Variants in PTH2R observed in about 807,000 individuals in gnomAD.
The protein encoded by PTH2R is parathyroid hormone 2 receptor, also known as PTH2 receptor.
Under a neutral mutation model 60.3 loss-of-function variants are expected in PTH2R, and 59 were observed. That is an observed-to-expected ratio of 0.98 (90% confidence interval 0.79 to 1.22). The LOEUF (loss-of-function observed/expected upper bound fraction) is 1.22. PTH2R is among the 50% of genes most tolerant of loss of function. The pLI is 0.00. For missense variants in PTH2R, 749 were observed against 682.6 expected, an observed-to-expected ratio of 1.10 and a Z score of -1.08; for synonymous variants, 256 against 243.8, an observed-to-expected ratio of 1.05 and a Z score of -0.47.
intron 1 of PTH2R, among the ~76,000 whole-genome samples, chr2:208,362,506 A>G (rs1487990127): frequency 6.6e-6 from 1 of 152,150 alleles, no homozygotes; most frequent in Non-Finnish European, 1.5e-5. Flanking sequence ...ATGTCTCATG[A>G]TATCTATATA....
intron 2 of PTH2R, among the ~76,000 whole-genome samples, chr2:208,428,616 G>A (rs1574863935): frequency 6.6e-6 from 1 of 152,164 alleles, no homozygotes; most frequent in Non-Finnish European, 1.5e-5. Context: ...ATTTGCCCTC[G>A]ACCATGCAGT....
chr2:208,457,561 A>G (rs932071957), intron 8 of PTH2R, among the ~76,000 whole-genome samples: 3 of 152,234 alleles, frequency 2.0e-5, no homozygotes, highest in African/African-American at 7.2e-5. Context: ...AAATTGCAGA[A>G]TAGTGCATAC....
chr2:208,450,721 T>G (rs114981244), intron 7 of PTH2R, 28 bp from the exon 8 acceptor site: 1 of 1,609,160 alleles, frequency 6.2e-7, no homozygotes. Context: ...AAAATAAATC[T>G]AGTCTCTGAA....
intron 2 of PTH2R, 62 bp from the exon 3 acceptor site, chr2:208,437,475 T>G: frequency 7.0e-7 from 1 of 1,430,736 alleles, no homozygotes. Flanking sequence ...TGAATGCATT[T>G]GTTCTCTGGT....
chr2:208,420,428 A>C (rs932231580), intron 1 of PTH2R, among the ~76,000 whole-genome samples: 2 of 152,202 alleles, frequency 1.3e-5, no homozygotes, highest in African/African-American at 2.4e-5. Context: ...TTTTCCACAC[A>C]TATTTGCCAG....
chr2:208,428,075 AG>A, intron 1 of PTH2R, 125 bp from the exon 2 acceptor site: 1 of 658,724 alleles, frequency 1.5e-6, no homozygotes, highest in Non-Finnish European at 2.5e-6. Context: ...ATTCAGATAA[AG>A]GACTATTTCA....
upstream of PTH2R, among the ~76,000 whole-genome samples, chr2:208,402,746 G>C (rs967737992): frequency 6.6e-6 from 1 of 152,194 alleles, no homozygotes; most frequent in Non-Finnish European, 1.5e-5. Context: ...AATGTTGAGT[G>C]ATCCTTTGGT....
intron 1 of PTH2R, among the ~76,000 whole-genome samples, chr2:208,382,873 A>C (rs1166089993): frequency 6.6e-6 from 1 of 152,226 alleles, no homozygotes; most frequent in Non-Finnish European, 1.5e-5. Flanking sequence ...GCATGCTGCT[A>C]GTGTGCCCTG....
chr2:208,361,961 T>A (rs1700482814), intron 1 of PTH2R, among the ~76,000 whole-genome samples: 1 of 152,202 alleles, frequency 6.6e-6, no homozygotes, highest in Admixed American at 6.5e-5. Flanking sequence ...CAGAAGAGAT[T>A]AGCATTTGAA....
At chr2:208,362,067 C>A (rs185334633) in intron 1 of PTH2R, among the ~76,000 whole-genome samples, 79 of 152,322 alleles carry the variant, frequency 5.2e-4, no homozygotes, top group African/African-American at 1.9e-3. Flanking sequence ...TCCCCACCAC[C>A]CCTGTGCCCT....
intron 1 of PTH2R, among the ~76,000 whole-genome samples, chr2:208,400,753 CTCTT>C (rs1701293290): frequency 6.6e-6 from 1 of 152,094 alleles, no homozygotes; most frequent in Non-Finnish European, 1.5e-5. Context: ...CTAAAATAGT[CTCTT>C]TAATTTCCAA....
chr2:208,427,461 CA>C (rs1701879767), intron 1 of PTH2R, among the ~76,000 whole-genome samples: 1 of 152,014 alleles, frequency 6.6e-6, no homozygotes, highest in Non-Finnish European at 1.5e-5. Context: ...TTTCAACCCC[CA>C]AAATTAGTTT....
At chr2:208,454,616 C>T (rs1702473175) in intron 8 of PTH2R, among the ~76,000 whole-genome samples, 1 of 152,184 alleles carries the variant, frequency 6.6e-6, no homozygotes, top group Non-Finnish European at 1.5e-5. Flanking sequence ...GTTTAAGCCA[C>T]CCAGCCTGTG....
chr2:208,424,298 T>C (rs1345128844), intron 1 of PTH2R, among the ~76,000 whole-genome samples: 1 of 152,220 alleles, frequency 6.6e-6, no homozygotes, highest in Non-Finnish European at 1.5e-5. Flanking sequence ...GGGTCCCTTG[T>C]CATTTTGGGT....
chr2:208,415,831 C>G (rs79716397), intron 1 of PTH2R, among the ~76,000 whole-genome samples: 6,343 of 152,174 alleles, frequency 0.042, 409 homozygotes, highest in African/African-American at 0.14. Context: ...GTAAGGTTCT[C>G]ATTTGTTAGC....
intron 1 of PTH2R, among the ~76,000 whole-genome samples, chr2:208,377,502 G>C (rs7582376): frequency 2.0e-5 from 3 of 146,522 alleles, no homozygotes; most frequent in East Asian, 2.1e-4. Context: ...GTGGAGGCGG[G>C]CCCCCACCTC....
rs1198804347 is a variant in PTH2R at position 208,365,921 on chromosome 2, AATAGATAAAT to A, written c.-259+5688_-259+5697del. Among the ~76,000 whole-genome samples, 108 of 88,508 alleles carry A rather than the reference AATAGATAAAT, an allele frequency of 1.2e-3. 1 individual carries two copies. Among genetic ancestry groups the A allele is most frequent in the African/African-American group, 5.4e-3 (103 of 19,048 alleles). The allele number at this position is 88,508 out of a possible 152,430, so 58.1% of individuals were successfully genotyped here. On this transcript the variant is annotated intron_variant, in intron 1 of 12. Transcript: ENST00000617735. ...CAGCTAATTTATATATATATAATAT[AATAGATAAAT>A]ATATATATATATATATATATATATA...
intron 10 of PTH2R, 129 bp downstream of exon 10, chr2:208,481,293 A>T: frequency 2.3e-6 from 1 of 442,552 alleles, no homozygotes. Context: ...ATCTCGGCTC[A>T]CTCGCCTCCC....
chr2:208,403,102 C>G (rs1361353179), upstream of PTH2R, among the ~76,000 whole-genome samples: 1 of 152,022 alleles, frequency 6.6e-6, no homozygotes, highest in African/African-American at 2.4e-5. Context: ...AAATATTTTG[C>G]AGAATGTAGA....
Sources: allele counts gnomAD v4.1 joint callset (sites outside exome capture counted in the v4.1 genomes callset), GRCh38; gene constraint gnomAD v4.1.1; transcripts MANE v1.5; gene names NCBI Gene and HGNC (gene_info 2026-07-23, HGNC 2026-07-21).